The following PCDHGA5 variants were observed in gnomAD, a reference collection of about 807,000 sequenced individuals.
PCDHGA5 encodes the protein protocadherin gamma subfamily A, 5, also known as protocadherin gamma-A5.
A neutral mutation model predicts 56.7 loss-of-function variants in PCDHGA5; 36 were observed. That is an observed-to-expected ratio of 0.64 (90% CI 0.49 to 0.84). The LOEUF (loss-of-function observed/expected upper bound fraction) is 0.84. PCDHGA5 is among the 40% of genes least tolerant of loss of function. The pLI, the probability that PCDHGA5 is intolerant of heterozygous loss-of-function variation, is 0.00. For synonymous variants in PCDHGA5, 563 were observed against 520.2 expected (o/e 1.08, Z -1.12); for missense variants, 1,305 against 1,201.5 (o/e 1.09, Z -1.27).
In PCDHGA5 at chr5:141,365,723, A is replaced by T; in HGVS notation, c.1393A>T (p.Asn465Tyr). ...CTACTCCACCTCTGTCACAGAAAAC[A>T]ATCCCAGAGGTGTCTCTATCTTCTC... is the stretch of plus-strand genomic sequence containing the variant. ...ASYSTSVTENNPRGVSIFSVT... is the reference protein window; with the variant it reads ...ASYSTSVTENYPRGVSIFSVT... The change falls in exon 1 of 4, where the codon AAT becomes TAT. Residue 465 changes from asparagine (N) to tyrosine (Y), a missense_variant. Transcript: ENST00000518069. 1 of 1,613,726 alleles carries T rather than the reference A, an allele frequency of 6.2e-7. No individual in the cohort carries two copies. Among genetic ancestry groups the T allele is most frequent in the South Asian group, 1.1e-5 (1 of 91,078 alleles).
Position 141,364,863 on chromosome 5 carries a change from T to C in PCDHGA5, c.533T>C (p.Phe178Ser). The C allele has an allele frequency of 1.2e-6, 2 of 1,613,952 alleles. No homozygotes were observed. Among genetic ancestry groups the C allele is most frequent in the Non-Finnish European group, 1.7e-6 (2 of 1,179,872 alleles). ...TACCAGCTCAGCTCCAATCTGCACT[T>C]CTCTCTGGATGTGGTAAGCGGAACT... is the stretch of plus-strand genomic sequence containing the variant. ...RSYQLSSNLHFSLDVVSGTDG... is the reference protein window; with the variant it reads ...RSYQLSSNLHSSLDVVSGTDG... The change falls in exon 1 of 4, where the codon TTC becomes TCC. Residue 178 changes from phenylalanine to serine, a missense_variant. Phe to Ser is a radical substitution (Grantham distance 155). Transcript: ENST00000518069.
chr5:141,408,903 A>C, intron 1 of PCDHGA5: 1 of 1,613,512 alleles, frequency 6.2e-7, no homozygotes, highest in Non-Finnish European at 8.5e-7. Context: ...TCTGTCAAGG[A>C]TACCAATGAT....
chr5:141,385,420 A>T, intron 1 of PCDHGA5: 1 of 1,465,218 alleles, frequency 6.8e-7, no homozygotes, highest in Non-Finnish European at 9.0e-7. Flanking sequence ...AGGGATTTAA[A>T]AAACTTTATA....
chr5:141,400,372 A>T, intron 1 of PCDHGA5: 1 of 1,613,980 alleles, frequency 6.2e-7, no homozygotes, highest in South Asian at 1.1e-5. Flanking sequence ...TTATTCCTAC[A>T]ACCTATGTGT....
chr5:141,404,796 G>T, intron 1 of PCDHGA5: 1 of 1,613,970 alleles, frequency 6.2e-7, no homozygotes, highest in Non-Finnish European at 8.5e-7. Flanking sequence ...AGTGAGCCAG[G>T]GCTCTTCTCG....
chr5:141,403,816 A>G (rs2094457403), intron 1 of PCDHGA5: 4 of 1,613,874 alleles, frequency 2.5e-6, no homozygotes, highest in Non-Finnish European at 3.4e-6. Context: ...ATGAAAAACA[A>G]TCTCTGCTAT....
chr5:141,422,670 C>T, intron 1 of PCDHGA5: 1 of 1,607,244 alleles, frequency 6.2e-7, no homozygotes, highest in Non-Finnish European at 8.5e-7. Flanking sequence ...TCGACCCGGA[C>T]AGCAAACAGA....
At chr5:141,414,948 G>A (rs957548133) in intron 1 of PCDHGA5, 20 of 1,614,084 alleles carry the variant, frequency 1.2e-5, no homozygotes, top group South Asian at 2.2e-5. Flanking sequence ...CCGGCTACCT[G>A]GTGACCAAGG....
At chr5:141,392,770 T>G in intron 1 of PCDHGA5, 1 of 1,511,750 alleles carries the variant, frequency 6.6e-7, no homozygotes, top group South Asian at 1.3e-5. Flanking sequence ...AAGACCCATT[T>G]ATGCACAGTG....
chr5:141,490,808 A>C lies in PCDHGA5; in HGVS notation c.2422-3999A>C. On this transcript the variant is annotated intron_variant, in intron 1 of 3. Coordinates refer to ENST00000518069, the MANE Select transcript of PCDHGA5 (RefSeq NM_018918.3). The surrounding 1 kb of genome is among the most constrained non-coding windows in gnomAD (Gnocchi z 5.4). The stretch of plus-strand genomic sequence containing the variant: ...CGGATCTTTGCCCAGCGTACCTTTG[A>C]CTATGAATTGCTGCAGATGCTGCAG... 1 of 1,613,884 alleles carries C rather than the reference A, an allele frequency of 6.2e-7. No homozygotes were observed. The highest frequency in any genetic ancestry group is 8.5e-7 in the Non-Finnish European group (1 of 1,179,874).
chr5:141,395,053 A>T (rs1210765378), intron 1 of PCDHGA5: 1 of 1,614,062 alleles, frequency 6.2e-7, no homozygotes, highest in East Asian at 2.2e-5. Context: ...GAGGAGGTAC[A>T]GGCTTTCCTG....
intron 1 of PCDHGA5, chr5:141,394,275 A>T: frequency 6.2e-7 from 1 of 1,613,910 alleles, no homozygotes; most frequent in Non-Finnish European, 8.5e-7. Context: ...TGCCCAGGTC[A>T]CTTACTCTGT....
At chr5:141,426,879 G>C (rs1222564201) in intron 1 of PCDHGA5, 3 of 456,710 alleles carry the variant, frequency 6.6e-6, no homozygotes, top group Non-Finnish European at 1.3e-5. Context: ...GAAGCCCCTG[G>C]GCCAGGAGCA....
At chr5:141,470,900 G>A (rs1454085317) in intron 1 of PCDHGA5, among the ~76,000 whole-genome samples, 4 of 151,832 alleles carry the variant, frequency 2.6e-5, no homozygotes, top group African/African-American at 9.7e-5. Context: ...GTTTTTTGTA[G>A]AGATGGGACT....
chr5:141,403,533 T>G (rs1307203985), intron 1 of PCDHGA5: 2 of 1,613,992 alleles, frequency 1.2e-6, no homozygotes, highest in African/African-American at 2.7e-5. Flanking sequence ...AACCCAGAGC[T>G]GGTGCTGGAG....
At chr5:141,404,807 G>A (rs1226563047) in intron 1 of PCDHGA5, 1 of 1,613,924 alleles carries the variant, frequency 6.2e-7, no homozygotes, top group Non-Finnish European at 8.5e-7. Flanking sequence ...GCTCTTCTCG[G>A]TGGGGCTGCA....
intron 1 of PCDHGA5, chr5:141,371,092 C>T (rs1348283879): frequency 6.2e-7 from 1 of 1,613,802 alleles, no homozygotes. Context: ...GTAATTGTCG[C>T]AGATGCAAAT....
At chr5:141,445,963 A>G (rs2098483291) in intron 1 of PCDHGA5, among the ~76,000 whole-genome samples, 2 of 152,342 alleles carry the variant, frequency 1.3e-5, no homozygotes, top group South Asian at 2.1e-4. Flanking sequence ...TATATGGAGA[A>G]TTGATTTATG....
intron 1 of PCDHGA5, among the ~76,000 whole-genome samples, chr5:141,484,107 A>C (rs13361997): frequency 0.24 from 37,195 of 152,070 alleles, 6,332 homozygotes; most frequent in African/African-American, 0.48. Context: ...TAATTAACAA[A>C]AGATCAAGAA....
Sources: gnomAD v4.1 joint callset for allele counts (sites outside exome capture counted in the v4.1 genomes callset) on GRCh38, gnomAD v4.1.1 for gene constraint, Gnocchi (gnomAD v3.1) non-coding constraint, MANE v1.5 for transcripts, NCBI Gene and HGNC (gene_info 2026-07-23, HGNC 2026-07-21) for gene names.